The following MAGI2 variants were observed in gnomAD, a reference collection of about 807,000 sequenced individuals.
MAGI2 encodes the protein membrane-associated guanylate kinase, WW and PDZ domain-containing protein 2.
MAGI2 carries 35 observed loss-of-function variants against 133.3 expected under a neutral mutation model. That is an observed-to-expected ratio of 0.26 (90% confidence interval 0.20 to 0.35). The LOEUF (loss-of-function observed/expected upper bound fraction) is 0.35, where lower values mean the gene tolerates loss of function less well. Among genes scored for constraint, MAGI2 ranks in the 10% least tolerant of loss-of-function variants. The pLI is 1.00. For synonymous variants in MAGI2, 729 were observed against 710.6 expected (o/e 1.03, Z -0.41); for missense variants, 1,636 against 1,863.4 (o/e 0.88, Z 2.25).
At chr7:78,655,454 C>CAAAAAAAAAAAAAAAAAAAAAACACA in intron 2 of MAGI2, among the ~76,000 whole-genome samples, 2 of 64,948 alleles carry the variant, frequency 3.1e-5, no homozygotes, top group Non-Finnish European at 5.6e-5. Context: ...AAAAAACAAC[C>CAAAAAAAAAAAAAAAAAAAAAACACA]AAAAAAAAAA....
At chr7:78,132,524 C>G (rs1821672222) in intron 18 of MAGI2, among the ~76,000 whole-genome samples, 1 of 152,244 alleles carries the variant, frequency 6.6e-6, no homozygotes, top group East Asian at 1.9e-4. Flanking sequence ...CTTCTGCCAC[C>G]CCATATATTG....
intron 6 of MAGI2, among the ~76,000 whole-genome samples, chr7:78,445,848 A>AC (rs1259137112): frequency 4.5e-4 from 68 of 152,044 alleles, no homozygotes; most frequent in African/African-American, 1.5e-3. Flanking sequence ...CATGTTTCTT[A>AC]CATGTATCTT....
intron 9 of MAGI2, among the ~76,000 whole-genome samples, chr7:78,270,188 G>T (rs1343773127): frequency 6.6e-6 from 1 of 152,146 alleles, no homozygotes; most frequent in Non-Finnish European, 1.5e-5. Context: ...ATAGTTTGAA[G>T]TCTGATAGCA....
intron 1 of MAGI2, among the ~76,000 whole-genome samples, chr7:79,137,449 TG>T (rs1435121654): frequency 2.0e-5 from 2 of 99,176 alleles, no homozygotes; most frequent in South Asian, 2.8e-4. Context: ...GGGTGTTTTT[TG>T]TTTTTTTTTT....
chr7:78,617,648 C>T (rs560995382), intron 3 of MAGI2: 1 of 152,004 alleles, frequency 6.6e-6, no homozygotes, highest in African/African-American at 2.4e-5. Context: ...ACAAATATTA[C>T]TTTATAAATT....
chr7:79,049,687 T>C (rs1279941149), intron 1 of MAGI2, among the ~76,000 whole-genome samples: 1 of 152,130 alleles, frequency 6.6e-6, no homozygotes, highest in African/African-American at 2.4e-5. Context: ...TTTTTATGTT[T>C]TTTATTCCTT....
At chr7:79,166,982 G>A (rs1385880710) in intron 1 of MAGI2, among the ~76,000 whole-genome samples, 1 of 151,950 alleles carries the variant, frequency 6.6e-6, no homozygotes, top group African/African-American at 2.4e-5. Context: ...CATAATTAAG[G>A]GGAAGGTATA....
At position 78,521,539 on chromosome 7, in the gene MAGI2, C is replaced by A. The variant is rs1326266430; in HGVS notation, c.645G>T (p.Arg215=). 8.7e-6 allele frequency: 14 copies of A among 1,614,028 alleles called. No homozygotes were observed. The highest frequency in any genetic ancestry group is 1.3e-5 in the African/African-American group (1 of 74,928). The change falls in exon 4 of 22, where the codon CGG becomes CGT. Residue 215 remains arginine, a synonymous_variant. Coordinates refer to ENST00000354212, the MANE Select transcript of MAGI2 (RefSeq NM_012301.4). ...TGTTGCTCACTGATTTATTCCTCTT[C>A]CGTTTTCCTTCAGCACTTGGAGTGG... ...PGATPSAEGK[R]KRNKSVSNME... is the part of the protein sequence containing the mutation.
chr7:78,984,516 C>T (rs553883801), intron 2 of MAGI2, among the ~76,000 whole-genome samples: 1 of 152,014 alleles, frequency 6.6e-6, no homozygotes, highest in East Asian at 2.0e-4. Flanking sequence ...TTGTTTACAC[C>T]CACTACGCCA....
chr7:78,059,218 T>C (rs184894680), intron 21 of MAGI2, among the ~76,000 whole-genome samples: 4 of 152,260 alleles, frequency 2.6e-5, no homozygotes, highest in African/African-American at 9.6e-5. Flanking sequence ...CCCACCCCGT[T>C]CTGGTTGAAT....
chr7:79,191,309 A>T (rs535212893), intron 1 of MAGI2, among the ~76,000 whole-genome samples: 1 of 148,822 alleles, frequency 6.7e-6, no homozygotes, highest in East Asian at 2.0e-4. Context: ...TCACATAGAG[A>T]TTATGTCTCT....
chr7:78,140,904 C>T (rs1347238458), intron 16 of MAGI2, among the ~76,000 whole-genome samples: 1 of 152,142 alleles, frequency 6.6e-6, no homozygotes, highest in African/African-American at 2.4e-5. Context: ...TATAAAAATA[C>T]ATAAAGCAAA....
chr7:78,137,033 A>G (rs1485737290), intron 16 of MAGI2, among the ~76,000 whole-genome samples: 7 of 152,270 alleles, frequency 4.6e-5, no homozygotes, highest in Admixed American at 6.5e-5. Context: ...GCTAATGATC[A>G]TCTTAGAATC....
chr7:78,832,623 C>A (rs375480634), intron 2 of MAGI2, among the ~76,000 whole-genome samples: 28 of 152,172 alleles, frequency 1.8e-4, no homozygotes, highest in African/African-American at 6.3e-4. Context: ...TCAGGGAGGA[C>A]CTGCATAATC....
At chr7:78,385,753 T>G (rs1795327072) in intron 6 of MAGI2, among the ~76,000 whole-genome samples, 1 of 152,196 alleles carries the variant, frequency 6.6e-6, no homozygotes, top group Non-Finnish European at 1.5e-5. Flanking sequence ...CATAAGAATC[T>G]TTAAATTTGA....
intron 3 of MAGI2, among the ~76,000 whole-genome samples, chr7:78,612,101 T>C (rs1428508203): frequency 6.6e-6 from 1 of 152,246 alleles, no homozygotes; most frequent in East Asian, 1.9e-4. Flanking sequence ...TACTATTGTT[T>C]GTAAAAATCG....
rs1368554126 is a variant in MAGI2, at chr7:78,979,756, C to G, written c.418+27334G>C. 2.6e-5 allele frequency among the ~76,000 whole-genome samples: 4 copies of G among 151,750 alleles called. No individual in the cohort carries two copies. In the East Asian group the frequency reaches 5.9e-4, roughly 22 times the overall value. On this transcript the variant is annotated intron_variant, in intron 2 of 21. Coordinates refer to ENST00000354212, the MANE Select transcript of MAGI2 (RefSeq NM_012301.4). ...CCATAATCCTAGAGCAGGAATCCCT[C>G]CTTTACCAAAGGGTTGAATAGGTGG... is the stretch of plus-strand genomic sequence containing the variant.
At chr7:78,139,170 G>C (rs1470342348) in intron 16 of MAGI2, among the ~76,000 whole-genome samples, 1 of 152,212 alleles carries the variant, frequency 6.6e-6, no homozygotes, top group Non-Finnish European at 1.5e-5. Context: ...TGCATAAAAT[G>C]TAAGTGAGCA....
chr7:78,842,875 T>C (rs1198576814), intron 2 of MAGI2, among the ~76,000 whole-genome samples: 1 of 151,972 alleles, frequency 6.6e-6, no homozygotes, highest in Non-Finnish European at 1.5e-5. Context: ...TATCACTTTT[T>C]TTTTAACTTT....
Sources: gnomAD v4.1 joint callset for allele counts (sites outside exome capture counted in the v4.1 genomes callset) on GRCh38, gnomAD v4.1.1 for gene constraint, MANE v1.5 for transcripts, NCBI Gene and HGNC (gene_info 2026-07-23, HGNC 2026-07-21) for gene names.